DYNC2H1: variants seen among roughly 807,000 people sequenced by gnomAD.
DYNC2H1 encodes dynein cytoplasmic 2 heavy chain 1.
DYNC2H1 carries 410 observed loss-of-function variants against 570.0 expected under a neutral mutation model. That is an observed-to-expected ratio of 0.72 (90% CI 0.66 to 0.78). The LOEUF is 0.78. Ranked by LOEUF, DYNC2H1 falls within the 30% of genes least tolerant of loss-of-function variation. DYNC2H1 has a pLI of 0.00. For missense variants in DYNC2H1, 4,865 were observed against 5,046.4 expected (o/e 0.96, Z 1.09); for synonymous variants, 1,688 against 1,677.6 (o/e 1.01, Z -0.15).
At chr11:103,251,487 G>A (rs562215287) in intron 65 of DYNC2H1, among the ~76,000 whole-genome samples, 37 of 152,002 alleles carry the variant, frequency 2.4e-4, no homozygotes, top group African/African-American at 6.3e-4. Context: ...CTTTTCTGTC[G>A]TAAAGCAAAT....
rs117467840 is a variant in DYNC2H1 at position 103,283,379 on chromosome 11, G to A, written c.10890+294G>A. On this transcript the variant is annotated intron_variant, in intron 73 of 88. Transcript: ENST00000375735. ...GAATGGTGACATGGGGGAAGAAAAA[G>A]CAGTTTAGAAGCTTAACTCTCAACA... 4.0e-4 allele frequency among the ~76,000 whole-genome samples: 61 copies of A among 152,246 alleles called. 1 individual carries two copies. In the East Asian group the frequency reaches 0.011, roughly 27 times the overall value.
rs537175284 is a variant in DYNC2H1, at chr11:103,151,993, A to G, written c.2947-143A>G. ...ATTTTTTTCTGCCAAATCAGAATATATAGGAATTTAACAAACTGTTTAAAT... is the reference window on the plus strand; with the variant it reads ...ATTTTTTTCTGCCAAATCAGAATATGTAGGAATTTAACAAACTGTTTAAAT... On this transcript the variant is annotated intron_variant, in intron 20 of 88. Coordinates refer to ENST00000375735, the MANE Select transcript of DYNC2H1 (RefSeq NM_001377.3). The surrounding 1 kb of genome is among the most constrained non-coding windows in gnomAD (Gnocchi z 4.6). 4 of 928,044 alleles carry G rather than the reference A, an allele frequency of 4.3e-6. No homozygotes were observed. The South Asian group carries it at 5.7e-5, about 13-fold the overall frequency. 57.5% of individuals were successfully genotyped at this position (928,044 alleles called of 1,614,324 possible).
chr11:103,142,625 C>T (rs561454641), intron 17 of DYNC2H1, among the ~76,000 whole-genome samples: 1 of 152,188 alleles, frequency 6.6e-6, no homozygotes, highest in East Asian at 1.9e-4. Context: ...GCTTAGATCG[C>T]ACCACTGTAC....
chr11:103,146,605 T>G (rs1480380955), intron 18 of DYNC2H1, among the ~76,000 whole-genome samples: 1 of 152,176 alleles, frequency 6.6e-6, no homozygotes, highest in African/African-American at 2.4e-5. Context: ...TTTGTTTTTT[T>G]GTTTGTTTAT....
intron 1 of DYNC2H1, among the ~76,000 whole-genome samples, chr11:103,110,412 T>G (rs1358611574): frequency 2.0e-5 from 3 of 152,176 alleles, no homozygotes; most frequent in Admixed American, 2.0e-4. Context: ...TTGAGTTTTT[T>G]TTTTGGGGGG....
chr11:103,414,690 G>T (rs1943214455), intron 84 of DYNC2H1, among the ~76,000 whole-genome samples: 1 of 152,080 alleles, frequency 6.6e-6, no homozygotes, highest in African/African-American at 2.4e-5. Flanking sequence ...AAAATTTCAG[G>T]ATTCAAAATC....
In DYNC2H1 at chr11:103,277,799, T is replaced by G. The variant is rs1032557941; in HGVS notation, c.10696-2549T>G. Among the ~76,000 whole-genome samples the G allele has an allele frequency of 6.6e-6, 1 of 152,222 alleles. No homozygotes were observed. Among genetic ancestry groups the G allele is most frequent in the Non-Finnish European group, 1.5e-5 (1 of 68,048 alleles). On this transcript the variant is annotated intron_variant, in intron 70 of 88. Coordinates refer to ENST00000375735, the MANE Select transcript of DYNC2H1 (RefSeq NM_001377.3). This position sits in a 1 kb window ranked among gnomAD's most constrained non-coding sequence, Gnocchi z 4.3. ...TGTTAAAATTTATGCCTTAAGTCTGTGCTCGGCACAAGTATGATGTTTAAT... is the reference window on the plus strand; with the variant it reads ...TGTTAAAATTTATGCCTTAAGTCTGGGCTCGGCACAAGTATGATGTTTAAT...
chr11:103,455,383 C>A, intron 86 of DYNC2H1, 88 bp downstream of exon 86: 2 of 972,084 alleles, frequency 2.1e-6, no homozygotes, highest in African/African-American at 1.6e-5. Context: ...CCTTGATTGT[C>A]AAGAAATAAA....
chr11:103,303,021 ATAAT>A, intron 75 of DYNC2H1, 68 bp from the exon 76 acceptor site: 1 of 1,153,404 alleles, frequency 8.7e-7, no homozygotes, highest in Non-Finnish European at 1.1e-6. Flanking sequence ...TATATATCAT[ATAAT>A]TAGATTTAAT....
intron 70 of DYNC2H1, among the ~76,000 whole-genome samples, chr11:103,266,669 G>A (rs1224868430): frequency 6.6e-6 from 1 of 152,190 alleles, no homozygotes; most frequent in Admixed American, 6.5e-5. Context: ...GCTGTGGATC[G>A]TGGGGAAGCT....
chr11:103,467,341 T>G (rs960063095), intron 87 of DYNC2H1, among the ~76,000 whole-genome samples: 22 of 152,152 alleles, frequency 1.4e-4, no homozygotes, highest in Non-Finnish European at 4.4e-5. Flanking sequence ...TACTGTAAAA[T>G]TCAAGTAATG....
chr11:103,446,037 T>TTTG lies in DYNC2H1; in HGVS notation c.12457-9119_12457-9117dup, dbSNP rs61565760. Among the ~76,000 whole-genome samples, 1,601 of 150,578 alleles carry TTTG rather than the reference T, an allele frequency of 0.011. 6 individuals are homozygous for TTTG. The highest frequency in any genetic ancestry group is 0.016 in the Non-Finnish European group (1,114 of 67,682). On this transcript the variant is annotated intron_variant, in intron 85 of 88. Coordinates refer to ENST00000375735, the MANE Select transcript of DYNC2H1 (RefSeq NM_001377.3). This position sits in a 1 kb window ranked among gnomAD's most constrained non-coding sequence, Gnocchi z 4.5. Reference sequence around the variant, plus strand: ...TGACAATATGGTAATAGAGCAGAGTTTTGTTGTTGTTGTTGTTGTTGTTGT... The same window carrying TTTG: ...TGACAATATGGTAATAGAGCAGAGTTTTGTTGTTGTTGTTGTTGTTGTTGTTGT...
Position 103,321,191 on chromosome 11 carries a change from G to C in DYNC2H1, c.11888G>C (p.Ser3963Thr), listed in dbSNP as rs759594435. 18 of 1,611,396 alleles carry C rather than the reference G, an allele frequency of 1.1e-5. No homozygotes were observed. Among genetic ancestry groups the C allele is most frequent in the Non-Finnish European group, 1.5e-5 (18 of 1,178,612 alleles). ...IDVFNQRNKK[S>T]IFPYSVSLPQ... is the part of the protein sequence containing the mutation. ...GTATTCAACCAAAGGAACAAGAAAA[G>C]CATTTTTCCATATTCCGTATCTCTA... The change falls in exon 81 of 89, where the codon AGC (serine) becomes ACC (threonine). Residue 3963 changes from serine to threonine, a missense_variant. Ser to Thr is a moderately conservative substitution (Grantham distance 58). Around this residue, in one of 5 missense-constraint regions of DYNC2H1, gnomAD observed 2,401 missense variants for 2,454.6 expected, o/e 0.98. Coordinates refer to ENST00000375735, the MANE Select transcript of DYNC2H1 (RefSeq NM_001377.3).
intron 85 of DYNC2H1, among the ~76,000 whole-genome samples, chr11:103,438,704 GTCAT>G (rs1477708364): frequency 1.3e-5 from 2 of 152,140 alleles, no homozygotes; most frequent in Non-Finnish European, 2.9e-5. Context: ...CATTTATTCA[GTCAT>G]TCATTCAGTC....
At chr11:103,330,276 C>G (rs1938710116) in intron 82 of DYNC2H1, among the ~76,000 whole-genome samples, 1 of 148,364 alleles carries the variant, frequency 6.7e-6, no homozygotes. Context: ...TGAAGAAAAA[C>G]TTTTTGCATG....
intron 19 of DYNC2H1, 90 bp downstream of exon 19, chr11:103,147,977 A>G: frequency 1.1e-6 from 1 of 928,876 alleles, no homozygotes; most frequent in South Asian, 1.8e-5. Flanking sequence ...TTCAATGATC[A>G]TTAAAAACCA....
chr11:103,187,573 C>A lies in DYNC2H1; in HGVS notation c.7127C>A (p.Ala2376Glu), dbSNP rs926370331. The A allele has an allele frequency of 1.9e-6, 3 of 1,612,680 alleles. No homozygotes were observed. The highest frequency in any genetic ancestry group is 2.5e-6 in the Non-Finnish European group (3 of 1,179,240). The change falls in exon 43 of 89, where the codon GCA becomes GAA. Residue 2376 changes from alanine to glutamate, a missense_variant. Physicochemically the swap from Ala to Glu is moderately radical, Grantham distance 107. Transcript: ENST00000375735. ...LDKWGTSTLVAFLQQVLTYQG... is the reference protein window; with the variant it reads ...LDKWGTSTLVEFLQQVLTYQG... Reference sequence around the variant, plus strand: ...AAATGGGGGACCAGTACTTTGGTAGCATTCCTACAACAGGTAAGTCATATT... The same window carrying A: ...AAATGGGGGACCAGTACTTTGGTAGAATTCCTACAACAGGTAAGTCATATT...
Position 103,173,259 on chromosome 11 carries a change from G to A in DYNC2H1, c.5512G>A (p.Ala1838Thr), listed in dbSNP as rs777912444. ...VILYSEGFKD[A>T]KVLSRKLVAI... is the part of the protein sequence containing the mutation. ...TCTCTATTCGGAAGGCTTTAAAGAC[G>A]CTAAAGTATTGAGCAGAAAATTGGT... Residue 1838 changes from alanine (A) to threonine (T), a missense_variant, in exon 35 of 89, where the codon GCT becomes ACT. Physicochemically the swap from Ala to Thr is moderately conservative, Grantham distance 58. This residue lies in a region of DYNC2H1 where 292 missense variants were observed against 300.2 expected (regional missense o/e 0.97). Coordinates refer to ENST00000375735, the MANE Select transcript of DYNC2H1 (RefSeq NM_001377.3). 32 of 1,592,654 alleles carry A rather than the reference G, an allele frequency of 2.0e-5. No homozygotes were observed. Among genetic ancestry groups the A allele is most frequent in the Middle Eastern group, 1.7e-4 (1 of 6,024 alleles).
At chr11:103,279,267 T>A (rs2135332899) in intron 70 of DYNC2H1, among the ~76,000 whole-genome samples, 1 of 152,316 alleles carries the variant, frequency 6.6e-6, no homozygotes, top group African/African-American at 2.4e-5. Flanking sequence ...ATATATAAAC[T>A]TGTGGCTCTT....
Sources: gnomAD v4.1 joint callset for allele counts (sites outside exome capture counted in the v4.1 genomes callset) on GRCh38, gnomAD v4.1.1 for gene constraint, gnomAD v4.1.1 regional missense constraint, Gnocchi (gnomAD v3.1) non-coding constraint, MANE v1.5 for transcripts, NCBI Gene and HGNC (gene_info 2026-07-23, HGNC 2026-07-21) for gene names.